The following HSPA12A variants were observed in gnomAD, a reference collection of about 807,000 sequenced individuals.
HSPA12A encodes the protein heat shock 70 kDa protein 12A.
Under a neutral mutation model 69.2 loss-of-function variants are expected in HSPA12A, and 28 were observed. The observed-to-expected ratio is 0.40, with a 90% CI of 0.30 to 0.55. The LOEUF (loss-of-function observed/expected upper bound fraction) is 0.55. Ranked by LOEUF, HSPA12A falls within the 20% of genes least tolerant of loss-of-function variation. The pLI is 0.38. For synonymous variants in HSPA12A, 345 were observed against 370.5 expected (o/e 0.93, Z 0.79); for missense variants, 686 against 900.7 (o/e 0.76, Z 3.05).
At chr10:116,677,412 T>C (rs181404719) in intron 10 of HSPA12A, among the ~76,000 whole-genome samples, 4 of 152,354 alleles carry the variant, frequency 2.6e-5, no homozygotes, top group Admixed American at 2.0e-4. Context: ...ATCCTTTCCA[T>C]GGCGTAGGCC....
At chr10:116,747,394 A>G (rs1007110374), upstream of HSPA12A, among the ~76,000 whole-genome samples, 12 of 152,362 alleles carry the variant, frequency 7.9e-5, no homozygotes, top group Middle Eastern at 3.4e-3. Context: ...TCTCGCAGCC[A>G]CATTCTCAGA....
At chr10:116,846,382 C>T (rs532584515) in intron 1 of HSPA12A, among the ~76,000 whole-genome samples, 1 of 149,378 alleles carries the variant, frequency 6.7e-6, no homozygotes, top group East Asian at 2.0e-4. Flanking sequence ...CAGAGTCTCG[C>T]TCTGTCACCC....
In HSPA12A at chr10:116,811,579, T is replaced by TAA. The variant is rs60912684; in HGVS notation, c.91+23354_91+23355dup. 1.3e-3 allele frequency among the ~76,000 whole-genome samples: 135 copies of TAA among 105,930 alleles called. 1 individual carries two copies. Among genetic ancestry groups the TAA allele is most frequent in the African/African-American group, 3.9e-3 (105 of 26,746 alleles). 69.5% of individuals were successfully genotyped at this position (105,930 alleles called of 152,430 possible). A position where few individuals can be genotyped will look rare whatever the true frequency, so the allele number is the denominator to read the frequency against. The stretch of plus-strand genomic sequence containing the variant: ...AACTTGGATTCCTCTTTGCTTTTGT[T>TAA]AAAAAAAAAAAAAAAAAAAAAAAAA... On this transcript the variant is annotated intron_variant, in intron 2 of 12. Coordinates refer to the HSPA12A transcript ENST00000635765.
intron 6 of HSPA12A, among the ~76,000 whole-genome samples, chr10:116,690,616 C>G (rs972694151): frequency 1.3e-5 from 2 of 152,132 alleles, no homozygotes; most frequent in Non-Finnish European, 2.9e-5. Context: ...CACATCTGTC[C>G]TCACCCAAGA....
At position 116,711,821 on chromosome 10, in the gene HSPA12A, G is replaced by A. The variant is rs1222803181; in HGVS notation, c.41-4536C>T. On this transcript the variant is annotated intron_variant, in intron 1 of 11. Coordinates refer to ENST00000369209, the MANE Select transcript of HSPA12A (RefSeq NM_025015.3). Reference sequence around the variant, plus strand: ...TGGGACTACAGGCGCCTGCCAACGCGCCCAGCTAATGTTTTTTTTTTTTAA... The same window carrying A: ...TGGGACTACAGGCGCCTGCCAACGCACCCAGCTAATGTTTTTTTTTTTTAA... 2.7e-5 allele frequency among the ~76,000 whole-genome samples: 4 copies of A among 150,732 alleles called. No homozygotes were observed. In the South Asian group the frequency reaches 6.3e-4, roughly 24 times the overall value.
intron 5 of HSPA12A, among the ~76,000 whole-genome samples, chr10:116,697,527 G>A (rs1194663791): frequency 6.6e-6 from 1 of 152,060 alleles, no homozygotes; most frequent in African/African-American, 2.4e-5. Context: ...CTCCAAGGAG[G>A]GCACTGCATG....
intron 1 of HSPA12A, among the ~76,000 whole-genome samples, chr10:116,717,385 C>T (rs530494274): frequency 6.6e-6 from 1 of 152,328 alleles, no homozygotes; most frequent in Non-Finnish European, 1.5e-5. Flanking sequence ...CAGCTCCTGG[C>T]TGTCTCTGTC....
chr10:116,717,275 A>G (rs1850635584), intron 1 of HSPA12A, among the ~76,000 whole-genome samples: 1 of 152,196 alleles, frequency 6.6e-6, no homozygotes, highest in African/African-American at 2.4e-5. Flanking sequence ...TCCCAGTGCC[A>G]CTAAGGCATC....
intron 1 of HSPA12A, 137 bp downstream of exon 1, chr10:116,742,293 G>GC: frequency 1.0e-6 from 1 of 956,608 alleles, no homozygotes; most frequent in Non-Finnish European, 1.4e-6. Context: ...CCCCGGCCCC[G>GC]CCCGCCAGAA....
At chr10:116,792,074 G>C (rs976867661) in intron 2 of HSPA12A, among the ~76,000 whole-genome samples, 4 of 151,658 alleles carry the variant, frequency 2.6e-5, no homozygotes, top group South Asian at 2.1e-4. Flanking sequence ...TAATAATAAT[G>C]ATGGCCATAA....
intron 4 of HSPA12A, among the ~76,000 whole-genome samples, chr10:116,700,402 C>T (rs1337018626): frequency 3.3e-5 from 5 of 152,144 alleles, no homozygotes; most frequent in African/African-American, 1.2e-4. Context: ...GCTGAGGACA[C>T]CACTCAGGGA....
intron 1 of HSPA12A, among the ~76,000 whole-genome samples, chr10:116,839,386 G>A (rs1024730786): frequency 2.0e-5 from 3 of 151,922 alleles, no homozygotes; most frequent in Non-Finnish European, 2.9e-5. Context: ...TTAGAATTAC[G>A]TGCTGCAAAG....
At chr10:116,783,471 A>G (rs1844508123) in intron 2 of HSPA12A, among the ~76,000 whole-genome samples, 1 of 152,138 alleles carries the variant, frequency 6.6e-6, no homozygotes, top group Non-Finnish European at 1.5e-5. Context: ...GTGTGGGTGG[A>G]CTTGGCTGGA....
rs533910415 is a variant in HSPA12A, at chr10:116,673,348, G to C, written c.*1433C>G. ...GTTAAAAGGGCCATCTCCAAGCCAG[G>C]TGGAGCCCCAATCCCATTGACCAAG... On this transcript the variant is annotated 3_prime_UTR_variant, in exon 12 of 12. Coordinates refer to ENST00000369209, the MANE Select transcript of HSPA12A (RefSeq NM_025015.3). The C allele has an allele frequency of 6.6e-6, 1 of 152,188 alleles. No homozygotes were observed. Among genetic ancestry groups the C allele is most frequent in the South Asian group, 2.1e-4 (1 of 4,804 alleles). 9.4% of individuals were successfully genotyped at this position (152,188 alleles called of 1,614,324 possible). A position where few individuals can be genotyped will look rare whatever the true frequency, so the allele number is the denominator to read the frequency against.
chr10:116,765,184 C>G (rs1011702174), intron 2 of HSPA12A, among the ~76,000 whole-genome samples: 1 of 152,106 alleles, frequency 6.6e-6, no homozygotes, highest in African/African-American at 2.4e-5. Context: ...CAATGACACT[C>G]CAGTGACAAT....
intron 2 of HSPA12A, among the ~76,000 whole-genome samples, chr10:116,787,017 C>CAT (rs1844593389): frequency 2.0e-5 from 3 of 149,494 alleles, no homozygotes; most frequent in Non-Finnish European, 3.0e-5. Flanking sequence ...CATACACACA[C>CAT]GCACGCACTC....
chr10:116,682,117 T>C (rs1240570435), intron 7 of HSPA12A, among the ~76,000 whole-genome samples: 1 of 152,196 alleles, frequency 6.6e-6, no homozygotes, highest in East Asian at 1.9e-4. Flanking sequence ...AAGCCCACCC[T>C]GATGAGATTC....
At chr10:116,820,524 C>A (rs1180929180) in intron 2 of HSPA12A, among the ~76,000 whole-genome samples, 1 of 152,056 alleles carries the variant, frequency 6.6e-6, no homozygotes, top group African/African-American at 2.4e-5. Context: ...TGGCCAGTCA[C>A]CACCCTCTCC....
At chr10:116,681,315 C>A in intron 8 of HSPA12A, 59 bp from the exon 9 acceptor site, 1 of 1,415,924 alleles carries the variant, frequency 7.1e-7, no homozygotes, top group South Asian at 1.1e-5. Context: ...CTGAAACAAG[C>A]TTGTGGGTGG....
Sources: gnomAD v4.1 joint callset for allele counts (sites outside exome capture counted in the v4.1 genomes callset) on GRCh38, gnomAD v4.1.1 for gene constraint, MANE v1.5 for transcripts, NCBI Gene and HGNC (gene_info 2026-07-23, HGNC 2026-07-21) for gene names.